Variants in EXOC2 observed in about 807,000 individuals in gnomAD.
The protein encoded by EXOC2 is exocyst complex component 2.
Under a neutral mutation model 131.8 loss-of-function variants are expected in EXOC2, and 70 were observed. That is an observed-to-expected ratio of 0.53 (90% CI 0.44 to 0.65). EXOC2 has a LOEUF of 0.65. EXOC2 is among the 30% of genes least tolerant of loss of function. The pLI is 0.00. For missense variants in EXOC2, 923 were observed against 1,108.6 expected, an observed-to-expected ratio of 0.83 and a Z score of 2.38; for synonymous variants, 411 against 398.4, an observed-to-expected ratio of 1.03 and a Z score of -0.38.
chr6:581,006 C>T (rs1028119357), intron 11 of EXOC2, among the ~76,000 whole-genome samples: 8 of 152,012 alleles, frequency 5.3e-5, no homozygotes, highest in African/African-American at 1.7e-4. Context: ...AAAAAAGTAA[C>T]AGTGTGGCCG....
At chr6:621,271 G>A (rs972665082) in intron 4 of EXOC2, among the ~76,000 whole-genome samples, 2 of 152,182 alleles carry the variant, frequency 1.3e-5, no homozygotes, top group African/African-American at 4.8e-5. Context: ...CCAGGCCTCA[G>A]TGAAGACGGT....
At chr6:528,542 C>T (rs1293470583) in intron 23 of EXOC2, among the ~76,000 whole-genome samples, 2 of 152,110 alleles carry the variant, frequency 1.3e-5, no homozygotes, top group East Asian at 1.9e-4. Flanking sequence ...AAAAGTGAAA[C>T]GAGCACCGAT....
intron 11 of EXOC2, among the ~76,000 whole-genome samples, chr6:583,756 A>C (rs1403392199): frequency 1.3e-5 from 2 of 152,240 alleles, no homozygotes; most frequent in African/African-American, 4.8e-5. Flanking sequence ...GACAATTTTG[A>C]AAAACTCTGT....
In EXOC2 at chr6:572,565, G is replaced by T; in HGVS notation, c.1398C>A (p.Phe466Leu). 1.9e-6 allele frequency: 3 copies of T among 1,614,194 alleles called. No homozygotes were observed. The South Asian group carries it at 3.3e-5, about 18-fold the overall frequency. Reference sequence around the variant, plus strand: ...TAACGTAGGAGATCCAGAGTTTCCAGAAGTTAGGCAGCTGGCTCAAGACGA... The same window carrying T: ...TAACGTAGGAGATCCAGAGTTTCCATAAGTTAGGCAGCTGGCTCAAGACGA... ...TKLVLSQLPN[F>L]WKLWISYVNG... The change falls in exon 13 of 28, where the codon TTC becomes TTA. Residue 466 changes from phenylalanine (F) to leucine (L), a missense_variant. By Grantham distance (22) the Phe-to-Leu change is conservative. Transcript: ENST00000230449.
intron 25 of EXOC2, 52 bp from the exon 26 acceptor site, chr6:491,238 T>C (rs768942100): frequency 6.3e-7 from 1 of 1,582,710 alleles, no homozygotes; most frequent in Non-Finnish European, 8.7e-7. Flanking sequence ...TATTATCAAA[T>C]ATAAACAAGT....
At chr6:650,414 C>T (rs1186977964) in intron 1 of EXOC2, among the ~76,000 whole-genome samples, 4 of 152,236 alleles carry the variant, frequency 2.6e-5, no homozygotes, top group East Asian at 1.9e-4. Context: ...ACTATAGAAA[C>T]GGGCACTCTC....
intron 23 of EXOC2, among the ~76,000 whole-genome samples, chr6:502,252 C>G (rs1010498708): frequency 6.6e-6 from 1 of 152,140 alleles, no homozygotes. Context: ...CAGTGAGAAC[C>G]GGGGTCCTGT....
intron 4 of EXOC2, 55 bp downstream of exon 4, chr6:629,780 T>A: frequency 1.9e-6 from 3 of 1,599,356 alleles, no homozygotes; most frequent in Non-Finnish European, 2.6e-6. Flanking sequence ...TGTAAGTATA[T>A]AAAACTTTTC....
intron 23 of EXOC2, among the ~76,000 whole-genome samples, chr6:529,948 T>C (rs1411133444): frequency 1.3e-5 from 2 of 152,234 alleles, no homozygotes; most frequent in Non-Finnish European, 2.9e-5. Flanking sequence ...AGGTAATACA[T>C]TGTTCGGTAA....
intron 6 of EXOC2, among the ~76,000 whole-genome samples, chr6:612,349 T>C (rs1344650048): frequency 6.6e-6 from 1 of 152,200 alleles, no homozygotes; most frequent in Non-Finnish European, 1.5e-5. Flanking sequence ...CTGAGTAGGA[T>C]TATATTTACT....
intron 1 of EXOC2, among the ~76,000 whole-genome samples, chr6:670,504 A>G (rs994002504): frequency 6.6e-6 from 1 of 151,816 alleles, no homozygotes; most frequent in Non-Finnish European, 1.5e-5. Context: ...AAAAAAAAAA[A>G]GGGAAGGAGG....
At chr6:500,477 G>T (rs1763982317) in intron 23 of EXOC2, among the ~76,000 whole-genome samples, 1 of 152,212 alleles carries the variant, frequency 6.6e-6, no homozygotes. Context: ...CAAGAAGGCT[G>T]TGAGCCTCAG....
intron 1 of EXOC2, among the ~76,000 whole-genome samples, chr6:645,192 A>C (rs1762524697): frequency 1.3e-5 from 2 of 152,124 alleles, no homozygotes; most frequent in Admixed American, 1.3e-4. Flanking sequence ...AAAGTAATTC[A>C]ATGGGAAAAA....
At chr6:547,801 T>A (rs1756943566) in intron 22 of EXOC2, among the ~76,000 whole-genome samples, 1 of 152,168 alleles carries the variant, frequency 6.6e-6, no homozygotes, top group African/African-American at 2.4e-5. Context: ...CTCCAGATCC[T>A]TTGTATTATC....
rs116012666 is a variant in EXOC2 at position 556,049 on chromosome 6, T to C, written c.1933-36A>G. The C allele has an allele frequency of 1.3e-3, 2,092 of 1,603,130 alleles. 24 individuals are homozygous for C. The African/African-American group carries it at 0.024, about 18-fold the overall frequency. ...GAATTTTGATGAAAATTTTTGGACTTTGCTAAGAAAAGGTTTTTGTATATG... is the reference window on the plus strand; with the variant it reads ...GAATTTTGATGAAAATTTTTGGACTCTGCTAAGAAAAGGTTTTTGTATATG... On this transcript the variant is annotated intron_variant, in intron 18 of 27. Transcript: ENST00000230449.
intron 1 of EXOC2, among the ~76,000 whole-genome samples, chr6:672,013 C>T (rs548530092): frequency 4.1e-4 from 62 of 152,222 alleles, no homozygotes; most frequent in South Asian, 1.0e-3. Flanking sequence ...GCCATTATTA[C>T]GGCAAATATT....
intron 11 of EXOC2, among the ~76,000 whole-genome samples, chr6:583,559 G>GTA: frequency 6.6e-6 from 1 of 152,170 alleles, no homozygotes; most frequent in South Asian, 2.1e-4. Context: ...TACTACATGG[G>GTA]GATCTACAAA....
At chr6:543,614 C>T (rs971301343) in intron 22 of EXOC2, among the ~76,000 whole-genome samples, 6 of 152,076 alleles carry the variant, frequency 3.9e-5, no homozygotes, top group African/African-American at 9.7e-5. Flanking sequence ...TTAATTAGTT[C>T]GACTGACTTT....
intron 23 of EXOC2, among the ~76,000 whole-genome samples, chr6:529,649 T>C (rs1765958507): frequency 6.6e-6 from 1 of 152,304 alleles, no homozygotes; most frequent in South Asian, 2.1e-4. Flanking sequence ...AAGATAAGCA[T>C]GATTTCAGAG....
Sources: gnomAD v4.1 joint callset for allele counts (sites outside exome capture counted in the v4.1 genomes callset) on GRCh38, gnomAD v4.1.1 for gene constraint, MANE v1.5 for transcripts, NCBI Gene and HGNC (gene_info 2026-07-23, HGNC 2026-07-21) for gene names.